Variants in ZCCHC17 observed in about 807,000 individuals in gnomAD.
ZCCHC17 encodes zinc finger CCHC-type containing 17.
ZCCHC17 carries 18 observed loss-of-function variants against 30.6 expected under a neutral mutation model. That is an observed-to-expected ratio of 0.59 (90% CI 0.41 to 0.87). The LOEUF (loss-of-function observed/expected upper bound fraction) is 0.87. Among genes scored for constraint, ZCCHC17 ranks in the 40% least tolerant of loss-of-function variants. The pLI is 0.00. For synonymous variants in ZCCHC17, 88 were observed against 92.4 expected (o/e 0.95, Z 0.27); for missense variants, 263 against 284.2 (o/e 0.93, Z 0.54).
At chr1:31,330,733 A>G (rs1239495105) in intron 3 of ZCCHC17, among the ~76,000 whole-genome samples, 2 of 152,174 alleles carry the variant, frequency 1.3e-5, no homozygotes, top group East Asian at 1.9e-4. Flanking sequence ...TGATTTCTAG[A>G]TGATTTTTTC....
At chr1:31,355,677 A>G (rs1639618495) in intron 7 of ZCCHC17, among the ~76,000 whole-genome samples, 1 of 152,200 alleles carries the variant, frequency 6.6e-6, no homozygotes. Flanking sequence ...TATCTGCTTC[A>G]TAGGTATCTA....
intron 1 of ZCCHC17, among the ~76,000 whole-genome samples, chr1:31,302,756 GGAGA>G (rs902802070): frequency 6.6e-6 from 1 of 151,334 alleles, no homozygotes; most frequent in South Asian, 2.1e-4. Flanking sequence ...TGGTGTCAGA[GGAGA>G]GAGAGAGAGA....
At chr1:31,310,997 T>C (rs1469824867) in intron 2 of ZCCHC17, among the ~76,000 whole-genome samples, 1 of 152,244 alleles carries the variant, frequency 6.6e-6, no homozygotes, top group Non-Finnish European at 1.5e-5. Flanking sequence ...TCTTGCCTGG[T>C]CTTTACTGGG....
intron 4 of ZCCHC17, among the ~76,000 whole-genome samples, chr1:31,338,741 C>T (rs758932864): frequency 6.6e-6 from 1 of 152,186 alleles, no homozygotes; most frequent in Non-Finnish European, 1.5e-5. Flanking sequence ...TTGTCTTTCC[C>T]TCAGAGGGAC....
At chr1:31,309,631 G>T (rs1262138632) in intron 1 of ZCCHC17, among the ~76,000 whole-genome samples, 1 of 152,114 alleles carries the variant, frequency 6.6e-6, no homozygotes, top group Non-Finnish European at 1.5e-5. Context: ...AGAATTAAAC[G>T]AGATTGCATG....
At chr1:31,301,622 G>T (rs868263379) in intron 1 of ZCCHC17, among the ~76,000 whole-genome samples, 8 of 152,200 alleles carry the variant, frequency 5.3e-5, no homozygotes, top group Non-Finnish European at 7.3e-5. Flanking sequence ...GTGTCGAGTG[G>T]TAGAATAAGT....
chr1:31,346,075 G>T (rs2148466025), intron 5 of ZCCHC17, among the ~76,000 whole-genome samples: 1 of 152,282 alleles, frequency 6.6e-6, no homozygotes, highest in East Asian at 1.9e-4. Flanking sequence ...TTGATAGAAG[G>T]AGAGCTAGTA....
At chr1:31,352,110 T>C (rs1201324951) in intron 7 of ZCCHC17, among the ~76,000 whole-genome samples, 3 of 152,254 alleles carry the variant, frequency 2.0e-5, no homozygotes, top group African/African-American at 4.8e-5. Flanking sequence ...TTGGAACTCA[T>C]TGACCCATTT....
At chr1:31,334,335 CTCTGTGTGTGTGTGTGTGTGTGTG>C (rs894685853) in intron 3 of ZCCHC17, among the ~76,000 whole-genome samples, 11 of 56,764 alleles carry the variant, frequency 1.9e-4, no homozygotes, top group African/African-American at 8.7e-4. Context: ...CTCTCTCTCT[CTCTGTGTGTGTGTGTGTGTGTGTG>C]TGTGTGTGTG....
chr1:31,322,537 G>A, intron 3 of ZCCHC17, among the ~76,000 whole-genome samples: 1 of 152,174 alleles, frequency 6.6e-6, no homozygotes, highest in Non-Finnish European at 1.5e-5. Flanking sequence ...CTGTCCCCAT[G>A]GAGTTGGGGT....
chr1:31,324,087 A>G (rs945831322), intron 3 of ZCCHC17, among the ~76,000 whole-genome samples: 8 of 152,232 alleles, frequency 5.3e-5, no homozygotes, highest in African/African-American at 1.7e-4. Context: ...GTAAAACATC[A>G]TTGATTATGA....
At chr1:31,323,474 A>C (rs1378870599) in intron 3 of ZCCHC17, among the ~76,000 whole-genome samples, 2 of 152,140 alleles carry the variant, frequency 1.3e-5, no homozygotes, top group African/African-American at 4.8e-5. Context: ...GGCACCCGCC[A>C]CCATGCCTGG....
intron 5 of ZCCHC17, among the ~76,000 whole-genome samples, chr1:31,340,000 AG>A (rs1638980286): frequency 1.8e-5 from 2 of 109,866 alleles, no homozygotes; most frequent in African/African-American, 3.4e-5. Context: ...GGGGTCGCCC[AG>A]GTTGGAGTGC....
intron 2 of ZCCHC17, chr1:31,318,196 TGAA>T (rs1646781110): frequency 3.3e-6 from 5 of 1,535,462 alleles, no homozygotes; most frequent in Non-Finnish European, 4.4e-6. Flanking sequence ...GTGCTCAAGA[TGAA>T]GCAGCTAATT....
chr1:31,300,488 C>T (rs932229779), intron 1 of ZCCHC17, among the ~76,000 whole-genome samples: 4 of 152,178 alleles, frequency 2.6e-5, no homozygotes, highest in South Asian at 4.1e-4. Context: ...TAAGTGGGTT[C>T]TGTTGTCTGC....
At chr1:31,323,407 C>T (rs371090852) in intron 3 of ZCCHC17, among the ~76,000 whole-genome samples, 30 of 152,150 alleles carry the variant, frequency 2.0e-4, no homozygotes, top group East Asian at 1.4e-3. Context: ...CTGCAAGCTC[C>T]ACCTCCTGGG....
intron 3 of ZCCHC17, among the ~76,000 whole-genome samples, chr1:31,333,470 C>T (rs1412987234): frequency 6.6e-6 from 1 of 152,078 alleles, no homozygotes; most frequent in Non-Finnish European, 1.5e-5. Flanking sequence ...TTGCAGTGAG[C>T]AGAGATTGTG....
intron 5 of ZCCHC17, among the ~76,000 whole-genome samples, chr1:31,346,367 A>C (rs141476245): frequency 2.0e-4 from 31 of 152,286 alleles, no homozygotes; most frequent in Non-Finnish European, 3.5e-4. Flanking sequence ...CCTATGAGTG[A>C]CCTGGTAAGG....
intron 7 of ZCCHC17, among the ~76,000 whole-genome samples, chr1:31,355,776 T>C (rs930252409): frequency 3.3e-5 from 5 of 152,242 alleles, no homozygotes; most frequent in Non-Finnish European, 7.3e-5. Context: ...TTAGCCATCA[T>C]GTGATGTTAT....
Sources: allele counts gnomAD v4.1 joint callset (sites outside exome capture counted in the v4.1 genomes callset), GRCh38; gene constraint gnomAD v4.1.1; transcripts MANE v1.5; gene names NCBI Gene and HGNC (gene_info 2026-07-23, HGNC 2026-07-21).